Variants in NCAM2 observed in about 807,000 individuals in gnomAD.
NCAM2 encodes neural cell adhesion molecule 2.
Under a neutral mutation model 98.1 loss-of-function variants are expected in NCAM2, and 30 were observed. The observed-to-expected ratio is 0.31, with a 90% CI of 0.23 to 0.41. NCAM2 has a LOEUF of 0.41. Ranked by LOEUF, NCAM2 falls within the 10% of genes least tolerant of loss-of-function variation. NCAM2 has a pLI of 1.00. For missense variants in NCAM2, 867 were observed against 1,005.8 expected (o/e 0.86, Z 1.87); for synonymous variants, 368 against 342.4 (o/e 1.07, Z -0.83).
chr21:21,115,116 C>T (rs934181913), intron 1 of NCAM2, among the ~76,000 whole-genome samples: 1 of 152,180 alleles, frequency 6.6e-6, no homozygotes, highest in Middle Eastern at 3.4e-3. Flanking sequence ...CCACCGCACC[C>T]GGCCATATTA....
At chr21:21,135,868 A>G (rs914686366) in intron 1 of NCAM2, among the ~76,000 whole-genome samples, 3 of 152,182 alleles carry the variant, frequency 2.0e-5, no homozygotes, top group African/African-American at 7.2e-5. Context: ...CATGGATTCC[A>G]TGTTCCCAGC....
chr21:21,165,513 A>C (rs1388891320), intron 1 of NCAM2, among the ~76,000 whole-genome samples: 2 of 152,166 alleles, frequency 1.3e-5, no homozygotes, highest in African/African-American at 2.4e-5. Context: ...TCAAGCATAC[A>C]TAACCACGCA....
chr21:21,040,960 AG>A (rs1020939310), intron 1 of NCAM2, among the ~76,000 whole-genome samples: 11 of 152,254 alleles, frequency 7.2e-5, no homozygotes, highest in African/African-American at 2.6e-4. Flanking sequence ...CAAATGTTTG[AG>A]GGGGTGGATA....
chr21:21,376,951 T>G (rs947805646), intron 9 of NCAM2, among the ~76,000 whole-genome samples: 1 of 151,756 alleles, frequency 6.6e-6, no homozygotes. Context: ...GTAGCTAGAT[T>G]AATATACATT....
intron 1 of NCAM2, among the ~76,000 whole-genome samples, chr21:21,177,516 A>G (rs1306267049): frequency 6.6e-6 from 1 of 152,104 alleles, no homozygotes; most frequent in Non-Finnish European, 1.5e-5. Flanking sequence ...AACCAATTAT[A>G]AGTGAATTAT....
At chr21:21,172,372 T>C (rs539015458) in intron 1 of NCAM2, among the ~76,000 whole-genome samples, 1 of 152,258 alleles carries the variant, frequency 6.6e-6, no homozygotes, top group East Asian at 1.9e-4. Flanking sequence ...CATTTTGACC[T>C]AACATGTTTG....
intron 15 of NCAM2, among the ~76,000 whole-genome samples, chr21:21,489,897 G>A (rs1054413505): frequency 3.4e-5 from 5 of 148,180 alleles, no homozygotes; most frequent in African/African-American, 1.2e-4. Flanking sequence ...AAGTTAATAT[G>A]GTTTGTCTTT....
intron 1 of NCAM2, among the ~76,000 whole-genome samples, chr21:21,086,873 C>A (rs2146430007): frequency 6.6e-6 from 1 of 150,520 alleles, no homozygotes; most frequent in African/African-American, 2.4e-5. Context: ...TTAATCTTCA[C>A]AATTTTATTC....
Position 21,378,693 on chromosome 21 carries a change from T to C in NCAM2, c.1195+4680T>C, listed in dbSNP as rs1174440989. ...GTGCATCAATAATTTATACTACTTG[T>C]TCCTGTTATTACATCCTACAGATAT... On this transcript the variant is annotated intron_variant, in intron 9 of 17. Transcript: ENST00000400546. 2.0e-5 allele frequency among the ~76,000 whole-genome samples: 3 copies of C among 152,076 alleles called. 1 individual carries two copies. Among genetic ancestry groups the C allele is most frequent in the Non-Finnish European group, 4.4e-5 (3 of 67,982 alleles).
At chr21:21,281,893 G>C (rs915449872) in intron 2 of NCAM2, among the ~76,000 whole-genome samples, 1 of 151,390 alleles carries the variant, frequency 6.6e-6, no homozygotes, top group African/African-American at 2.4e-5. Flanking sequence ...ATAAATAAAA[G>C]ATATAGTTAT....
chr21:21,505,281 AAG>A (rs1483325368), intron 15 of NCAM2, among the ~76,000 whole-genome samples: 2 of 152,022 alleles, frequency 1.3e-5, no homozygotes, highest in Admixed American at 1.3e-4. Context: ...AGAAAAGGAA[AAG>A]AGAGTTCTCT....
intron 9 of NCAM2, among the ~76,000 whole-genome samples, chr21:21,390,489 G>A (rs1416750748): frequency 6.6e-6 from 1 of 152,134 alleles, no homozygotes; most frequent in African/African-American, 2.4e-5. Context: ...GCAGAAGCAA[G>A]GGAGGGACAC....
chr21:21,067,594 T>A (rs2065467165), intron 1 of NCAM2, among the ~76,000 whole-genome samples: 1 of 152,206 alleles, frequency 6.6e-6, no homozygotes, highest in African/African-American at 2.4e-5. Context: ...TCTTGCATCA[T>A]CCTACTTTTC....
chr21:21,453,077 T>G (rs1981562230), intron 12 of NCAM2, among the ~76,000 whole-genome samples: 1 of 128,180 alleles, frequency 7.8e-6, no homozygotes, highest in Non-Finnish European at 1.6e-5. Flanking sequence ...TTATAAATTA[T>G]TATATATTTA....
chr21:21,017,195 G>C (rs9983936), intron 1 of NCAM2, among the ~76,000 whole-genome samples: 82,930 of 131,456 alleles, frequency 0.63, 23,117 homozygotes, highest in East Asian at 0.83. Flanking sequence ...GGAAGCCGAG[G>C]TGGGCATATC....
chr21:21,188,938 G>A (rs1212350052), intron 1 of NCAM2, among the ~76,000 whole-genome samples: 1 of 152,170 alleles, frequency 6.6e-6, no homozygotes, highest in East Asian at 1.9e-4. Flanking sequence ...TATATACAAA[G>A]TATAAAAGTA....
Position 21,032,040 on chromosome 21 carries a change from C to G in NCAM2, c.55+33422C>G, listed in dbSNP as rs976018105. On this transcript the variant is annotated intron_variant, in intron 1 of 17. Coordinates refer to ENST00000400546, the MANE Select transcript of NCAM2 (RefSeq NM_004540.5). Reference sequence around the variant, plus strand: ...TATCATTGATTAGATATATTTTAATCTAATCAAAGTTTATCAGGCACCACT... The same window carrying G: ...TATCATTGATTAGATATATTTTAATGTAATCAAAGTTTATCAGGCACCACT... Among the ~76,000 whole-genome samples, 3 of 152,116 alleles carry G rather than the reference C, an allele frequency of 2.0e-5. No individual in the cohort carries two copies. The South Asian group carries it at 6.2e-4, about 32-fold the overall frequency.
chr21:21,437,474 C>CTGTGTGTGTG (rs3990174), intron 12 of NCAM2, among the ~76,000 whole-genome samples: 12,993 of 144,404 alleles, frequency 0.09, 627 homozygotes, highest in South Asian at 0.15. Context: ...CACCAAGATT[C>CTGTGTGTGTG]TGTGTGTGTG....
At chr21:21,289,358 A>G (rs1242474890) in intron 4 of NCAM2, among the ~76,000 whole-genome samples, 3 of 151,942 alleles carry the variant, frequency 2.0e-5, no homozygotes, top group Non-Finnish European at 4.4e-5. Flanking sequence ...AATCAGTGTG[A>G]GAACAAGACA....
Sources: allele counts gnomAD v4.1 joint callset (sites outside exome capture counted in the v4.1 genomes callset), GRCh38; gene constraint gnomAD v4.1.1; transcripts MANE v1.5; gene names NCBI Gene and HGNC (gene_info 2026-07-23, HGNC 2026-07-21).